The following RAP1A variants were observed in gnomAD, a reference collection of about 807,000 sequenced individuals.
RAP1A encodes the protein RAP1A, member of RAS oncogene family, also known as ras-related protein Rap-1A.
A neutral mutation model predicts 26.4 loss-of-function variants in RAP1A; 6 were observed. That is an observed-to-expected ratio of 0.23 (90% confidence interval 0.12 to 0.45). The LOEUF (loss-of-function observed/expected upper bound fraction) is 0.45, where lower values mean the gene tolerates loss of function less well. RAP1A is among the 20% of genes least tolerant of loss of function. The pLI is 0.99. For missense variants in RAP1A, 121 were observed against 217.2 expected (o/e 0.56, Z 2.78); for synonymous variants, 73 against 79.4 (o/e 0.92, Z 0.43).
intron 3 of RAP1A, 57 bp downstream of exon 3, chr1:111,695,466 T>A: frequency 7.9e-7 from 1 of 1,263,330 alleles, no homozygotes; most frequent in South Asian, 1.5e-5. Flanking sequence ...GATGTTAAAA[T>A]TTGATCTGTA....
At chr1:111,691,460 A>G (rs369687809) in intron 2 of RAP1A, 43 bp downstream of exon 2, 1 of 1,541,658 alleles carries the variant, frequency 6.5e-7, no homozygotes, top group South Asian at 1.1e-5. Flanking sequence ...ATAATACAAG[A>G]AGAATTTTGA....
intron 1 of RAP1A, among the ~76,000 whole-genome samples, chr1:111,689,090 C>CA (rs1280693440): frequency 6.6e-6 from 1 of 152,028 alleles, no homozygotes; most frequent in African/African-American, 2.4e-5. Context: ...CCCATCTTGG[C>CA]CTCCCAAAGT....
chr1:111,619,884 A>AGGAGGAGGT lies in RAP1A; in HGVS notation c.-51_-43dup, dbSNP rs201725303. ...ACGGCCGAGAGGAGGGAGGAGGAGG[A>AGGAGGAGGT]GGAGGAGGTGGAGGAGGTGGAGGAG... On this transcript the variant is annotated 5_prime_UTR_variant, in exon 1 of 8. Transcript: ENST00000369709. The AGGAGGAGGT allele has an allele frequency of 1.0e-2, 2,428 of 243,870 alleles. 28 individuals are homozygous for AGGAGGAGGT. The highest frequency in any genetic ancestry group is 0.052 in the Admixed American group (901 of 17,464). 15.1% of individuals were successfully genotyped at this position (243,870 alleles called of 1,614,324 possible). A position where few individuals can be genotyped will look rare whatever the true frequency, so the allele number is the denominator to read the frequency against.
chr1:111,542,433 C>G, exon 1 of RAP1A: 1 of 229,754 alleles, frequency 4.4e-6, no homozygotes, highest in Non-Finnish European at 9.1e-6. Context: ...AAACTGGGCT[C>G]CGCCCTTAAG....
intron 1 of RAP1A, among the ~76,000 whole-genome samples, chr1:111,658,370 T>C (rs1660531480): frequency 6.6e-6 from 1 of 152,102 alleles, no homozygotes; most frequent in South Asian, 2.1e-4. Context: ...ATAAATAAAG[T>C]AAATCATTCA....
chr1:111,633,930 G>T (rs976144008), intron 1 of RAP1A, among the ~76,000 whole-genome samples: 1 of 152,174 alleles, frequency 6.6e-6, no homozygotes, highest in Admixed American at 6.5e-5. Context: ...GCCTACATGG[G>T]TACATAAGCT....
intron 1 of RAP1A, among the ~76,000 whole-genome samples, chr1:111,559,097 C>A (rs1158930869): frequency 6.6e-6 from 1 of 151,844 alleles, no homozygotes; most frequent in African/African-American, 2.4e-5. Flanking sequence ...ATTTAAACTT[C>A]TTTAGAATTT....
At position 111,691,433 on chromosome 1, in the gene RAP1A, A is replaced by C; in HGVS notation, c.57+16A>C. ...GTCTGCTCTGGTAAGTTAGCCACCT[A>C]ACTGTAACTGATTAATATAATACAA... On this transcript the variant is annotated intron_variant, in intron 2 of 7. Coordinates refer to ENST00000369709, the MANE Select transcript of RAP1A (RefSeq NM_002884.4). 6.3e-7 allele frequency: 1 copy of C among 1,594,352 alleles called. No individual in the cohort carries two copies. Among genetic ancestry groups the C allele is most frequent in the Non-Finnish European group, 8.6e-7 (1 of 1,162,086 alleles).
In RAP1A at chr1:111,619,929, G is replaced by T. The variant is rs911427410; in HGVS notation, c.-33G>T. ...GAGGAGGTGGAGGAGGCGCCGGACC[G>T]GGGGGGTGAGTAAGGGGCGGGGAGC... is the stretch of plus-strand genomic sequence containing the variant. On this transcript the variant is annotated 5_prime_UTR_variant, in exon 1 of 8. Transcript: ENST00000369709. 4 of 395,610 alleles carry T rather than the reference G, an allele frequency of 1.0e-5. No individual in the cohort carries two copies. The highest frequency in any genetic ancestry group is 4.5e-5 in the Admixed American group (1 of 22,442). 24.5% of individuals were successfully genotyped at this position (395,610 alleles called of 1,614,324 possible).
rs1662528635 is a variant in RAP1A at position 111,715,949 on chromosome 1, G to A, written c.*3548G>A. On this transcript the variant is annotated 3_prime_UTR_variant, in exon 8 of 8. Transcript: ENST00000369709. Reference sequence around the variant, plus strand: ...CACTGAGGGACAGAAAGAGAAATAAGGAATACCTTGGTATTTTCCTTTGCA... The same window carrying A: ...CACTGAGGGACAGAAAGAGAAATAAAGAATACCTTGGTATTTTCCTTTGCA... 6.6e-6 allele frequency: 1 copy of A among 152,200 alleles called. No individual in the cohort carries two copies. The highest frequency in any genetic ancestry group is 1.5e-5 in the Non-Finnish European group (1 of 68,030). 9.4% of individuals were successfully genotyped at this position (152,200 alleles called of 1,614,324 possible).
At chr1:111,568,875 C>T (rs1032176972) in intron 1 of RAP1A, among the ~76,000 whole-genome samples, 15 of 152,112 alleles carry the variant, frequency 9.9e-5, no homozygotes, top group African/African-American at 3.6e-4. Flanking sequence ...GGATAAAGGC[C>T]TTTGTGATGA....
At chr1:111,657,794 T>C (rs1301175194) in intron 1 of RAP1A, among the ~76,000 whole-genome samples, 2 of 152,224 alleles carry the variant, frequency 1.3e-5, no homozygotes, top group Non-Finnish European at 2.9e-5. Flanking sequence ...GACTGTCTTA[T>C]TTTATAAATT....
intron 4 of RAP1A, among the ~76,000 whole-genome samples, chr1:111,702,453 C>T (rs1392369342): frequency 6.6e-6 from 1 of 151,934 alleles, no homozygotes; most frequent in Non-Finnish European, 1.5e-5. Context: ...AGCTCAGTAA[C>T]TAAATGTTAA....
rs1406410634 is a variant in RAP1A, at chr1:111,542,289, C to T, written c.-248C>T. ...TATTTCAGGATCAGACCTGCCGGTT[C>T]GAACACACGCGACAAGAGCAAAGAA... On this transcript the variant is annotated 5_prime_UTR_variant, in exon 1 of 8. Coordinates refer to the RAP1A transcript ENST00000356415. 1.3e-5 allele frequency: 7 copies of T among 551,848 alleles called. No individual in the cohort carries two copies. In the Admixed American group the frequency reaches 1.4e-4, roughly 11 times the overall value. The allele number at this position is 551,848 out of a possible 1,614,324, so 34.2% of individuals were successfully genotyped here.
intron 1 of RAP1A, among the ~76,000 whole-genome samples, chr1:111,604,882 C>T (rs1224041130): frequency 3.3e-5 from 5 of 152,298 alleles, no homozygotes; most frequent in African/African-American, 9.6e-5. Flanking sequence ...TATGATTCGG[C>T]CACCACTCTG....
At chr1:111,562,928 G>A (rs1449617986) in intron 1 of RAP1A, among the ~76,000 whole-genome samples, 1 of 152,220 alleles carries the variant, frequency 6.6e-6, no homozygotes, top group Non-Finnish European at 1.5e-5. Flanking sequence ...ACATTGATTA[G>A]TCTCTTACTA....
At chr1:111,658,312 C>T (rs945880820) in intron 1 of RAP1A, among the ~76,000 whole-genome samples, 1 of 152,036 alleles carries the variant, frequency 6.6e-6, no homozygotes, top group African/African-American at 2.4e-5. Context: ...CCACTGCAGT[C>T]CAGCCTGGGC....
chr1:111,642,894 C>T (rs545417286), intron 1 of RAP1A, among the ~76,000 whole-genome samples: 51 of 149,528 alleles, frequency 3.4e-4, no homozygotes, highest in African/African-American at 8.9e-4. Flanking sequence ...CTCAGCCTCC[C>T]GGGTAGCTGG....
chr1:111,668,964 A>G (rs1000460985), intron 1 of RAP1A, among the ~76,000 whole-genome samples: 1 of 150,290 alleles, frequency 6.7e-6, no homozygotes, highest in Non-Finnish European at 1.5e-5. Flanking sequence ...CAGGAGGTCA[A>G]GGCTGCAGTG....
Sources: gnomAD v4.1 joint callset for allele counts (sites outside exome capture counted in the v4.1 genomes callset) on GRCh38, gnomAD v4.1.1 for gene constraint, MANE v1.5 for transcripts, NCBI Gene and HGNC (gene_info 2026-07-23, HGNC 2026-07-21) for gene names.